PPP6R3: variants seen among roughly 807,000 people sequenced by gnomAD.
PPP6R3 encodes the protein protein phosphatase 6 regulatory subunit 3.
PPP6R3 carries 38 observed loss-of-function variants against 110.7 expected under a neutral mutation model. The observed-to-expected ratio is 0.34, with a 90% CI of 0.26 to 0.45. PPP6R3 has a LOEUF of 0.45. PPP6R3 is among the 20% of genes least tolerant of loss of function. The probability of loss-of-function intolerance (pLI) is 1.00; values close to 1 mark genes in which losing one functional copy is unlikely to be tolerated. For synonymous variants in PPP6R3, 369 were observed against 373.5 expected (o/e 0.99, Z 0.14); for missense variants, 870 against 1,062.4 (o/e 0.82, Z 2.52).
intron 15 of PPP6R3, 38 bp from the exon 16 acceptor site, chr11:68,587,880 TATCATTAGA>T: frequency 6.9e-7 from 1 of 1,442,924 alleles, no homozygotes; most frequent in South Asian, 1.1e-5. Flanking sequence ...GTATGTAGAA[TATCATTAGA>T]ATCATTATAT....
intron 1 of PPP6R3, among the ~76,000 whole-genome samples, chr11:68,478,513 A>G (rs763976811): frequency 1.3e-4 from 20 of 152,188 alleles, no homozygotes; most frequent in Non-Finnish European, 2.4e-4. Context: ...TTTGCCTTAT[A>G]TATCTTTTTC....
intron 5 of PPP6R3, among the ~76,000 whole-genome samples, chr11:68,549,460 G>C (rs1031233074): frequency 6.6e-6 from 1 of 152,114 alleles, no homozygotes; most frequent in Non-Finnish European, 1.5e-5. Context: ...TGGATTTGTT[G>C]GTGACCCAGG....
rs553634693 is a variant in PPP6R3, at chr11:68,566,927, G to A, written c.976-87G>A. The A allele has an allele frequency of 1.9e-5, 22 of 1,165,612 alleles. No individual in the cohort carries two copies. In the African/African-American group the frequency reaches 3.1e-4, roughly 17 times the overall value. 72.2% of individuals were successfully genotyped at this position (1,165,612 alleles called of 1,614,324 possible). ...AAAATTCAGGCCATGTTGTTTGCAG[G>A]GTTTAAACTAGTGTCATGTCTTAGC... On this transcript the variant is annotated intron_variant, in intron 9 of 23. Transcript: ENST00000393800.
At position 68,613,163 on chromosome 11, in the gene PPP6R3, A is replaced by T; in HGVS notation, c.*46A>T. ...TGACTGAGGACTGCAGACCGCCACC[A>T]CTCAGGGGCTCTGGAGGGGTCAGCT... On this transcript the variant is annotated 3_prime_UTR_variant, in exon 24 of 24. Coordinates refer to ENST00000393800, the MANE Select transcript of PPP6R3 (RefSeq NM_001164161.2). 6.2e-7 allele frequency: 1 copy of T among 1,611,512 alleles called. No homozygotes were observed.
At chr11:68,475,084 C>A (rs2098818879) in intron 1 of PPP6R3, among the ~76,000 whole-genome samples, 1 of 152,106 alleles carries the variant, frequency 6.6e-6, no homozygotes, top group Non-Finnish European at 1.5e-5. Context: ...GTTTGTGTCC[C>A]TGGGTACTTG....
At chr11:68,605,214 C>A (rs1224279879) in intron 22 of PPP6R3, among the ~76,000 whole-genome samples, 1 of 152,058 alleles carries the variant, frequency 6.6e-6, no homozygotes, top group Non-Finnish European at 1.5e-5. Flanking sequence ...GTGGTGTGTG[C>A]CTGTGGTCCC....
At chr11:68,579,325 A>G (rs1163464455) in intron 14 of PPP6R3, among the ~76,000 whole-genome samples, 1 of 152,238 alleles carries the variant, frequency 6.6e-6, no homozygotes, top group Non-Finnish European at 1.5e-5. Context: ...GAACCTAATC[A>G]TCCAAAGTAA....
In PPP6R3 at chr11:68,502,213, AAT is replaced by A. The variant is rs556932010; in HGVS notation, c.-157-17285_-157-17284del. Among the ~76,000 whole-genome samples, 31 of 152,368 alleles carry A rather than the reference AAT, an allele frequency of 2.0e-4. No individual in the cohort carries two copies. In the South Asian group the frequency reaches 6.0e-3, roughly 29 times the overall value. On this transcript the variant is annotated intron_variant, in intron 1 of 23. Coordinates refer to ENST00000393800, the MANE Select transcript of PPP6R3 (RefSeq NM_001164161.2). ...GTAAAAAACGCATAAAATTAATTTT[AAT>A]ATGTTTTATACAACCCATTATGTCC...
At chr11:68,466,543 A>T (rs2098747478) in intron 1 of PPP6R3, among the ~76,000 whole-genome samples, 3 of 145,784 alleles carry the variant, frequency 2.1e-5, no homozygotes, top group African/African-American at 7.7e-5. Flanking sequence ...GGTTCACGCC[A>T]TTCTCCTGCC....
chr11:68,573,604 A>G (rs1478843721), intron 12 of PPP6R3, among the ~76,000 whole-genome samples: 1 of 152,174 alleles, frequency 6.6e-6, no homozygotes, highest in African/African-American at 2.4e-5. Context: ...CACATCAGCT[A>G]ATATCTTAAC....
Position 68,512,431 on chromosome 11 carries a change from A to G in PPP6R3, c.-157-7070A>G, listed in dbSNP as rs147874496. On this transcript the variant is annotated intron_variant, in intron 1 of 23. Coordinates refer to ENST00000393800, the MANE Select transcript of PPP6R3 (RefSeq NM_001164161.2). ...AGAATCCCTGAAGATCAAAATCCTT[A>G]AAGATCATAATCTCTAAAATCCTGA... Among the ~76,000 whole-genome samples, 222 of 152,348 alleles carry G rather than the reference A, an allele frequency of 1.5e-3. 2 individuals are homozygous for G. The East Asian group carries it at 0.037, about 25-fold the overall frequency.
intron 1 of PPP6R3, among the ~76,000 whole-genome samples, chr11:68,518,931 G>C (rs911320968): frequency 6.6e-5 from 10 of 152,116 alleles, no homozygotes; most frequent in African/African-American, 2.2e-4. Context: ...ATTTTCCACA[G>C]TATTAAGCTA....
At chr11:68,548,239 T>G (rs1246402444) in intron 5 of PPP6R3, 35 bp downstream of exon 5, 1 of 1,611,748 alleles carries the variant, frequency 6.2e-7, no homozygotes, top group Non-Finnish European at 8.5e-7. Context: ...TGACTGGGGT[T>G]AGGGTGCTGG....
chr11:68,564,550 G>A, intron 9 of PPP6R3, 118 bp downstream of exon 9: 1 of 1,137,118 alleles, frequency 8.8e-7, no homozygotes. Context: ...TACAAAATGA[G>A]TGAAAAGATA....
chr11:68,587,483 T>C (rs2099582446), intron 15 of PPP6R3: 1 of 181,462 alleles, frequency 5.5e-6, no homozygotes. Flanking sequence ...TGGTGTGATT[T>C]TGCTGTAGTA....
At chr11:68,599,938 A>G (rs1197163202) in intron 19 of PPP6R3, among the ~76,000 whole-genome samples, 1 of 152,172 alleles carries the variant, frequency 6.6e-6, no homozygotes, top group Non-Finnish European at 1.5e-5. Flanking sequence ...CCTGGCTAAC[A>G]CAGTGAAACC....
chr11:68,545,762 T>C (rs566428004), intron 4 of PPP6R3, among the ~76,000 whole-genome samples: 2 of 152,368 alleles, frequency 1.3e-5, no homozygotes, highest in African/African-American at 4.8e-5. Flanking sequence ...TGATGCATGC[T>C]AACATTTGAG....
chr11:68,523,169 C>G (rs1463920856), intron 2 of PPP6R3, among the ~76,000 whole-genome samples: 1 of 152,180 alleles, frequency 6.6e-6, no homozygotes, highest in Non-Finnish European at 1.5e-5. Context: ...GAATCCCTAA[C>G]AAAATTTGCA....
intron 3 of PPP6R3, among the ~76,000 whole-genome samples, chr11:68,541,911 G>A (rs1272051236): frequency 6.6e-6 from 1 of 152,112 alleles, no homozygotes; most frequent in Non-Finnish European, 1.5e-5. Context: ...ATCAGTACAG[G>A]TTCTTTGGAG....
Sources: gnomAD v4.1 joint callset for allele counts (sites outside exome capture counted in the v4.1 genomes callset) on GRCh38, gnomAD v4.1.1 for gene constraint, MANE v1.5 for transcripts, NCBI Gene and HGNC (gene_info 2026-07-23, HGNC 2026-07-21) for gene names.